Variants in EML1 observed in about 807,000 individuals in gnomAD.
EML1 encodes echinoderm microtubule-associated protein-like 1.
EML1 carries 27 observed loss-of-function variants against 110.4 expected under a neutral mutation model. The ratio of observed to expected loss-of-function variants is 0.24; its 90% CI spans 0.18 to 0.34. EML1 has a LOEUF of 0.34. Among genes scored for constraint, EML1 ranks in the 10% least tolerant of loss-of-function variants. The pLI is 1.00. For missense variants in EML1, 741 were observed against 1,030.9 expected, an observed-to-expected ratio of 0.72 and a Z score of 3.85; for synonymous variants, 344 against 385.8, an observed-to-expected ratio of 0.89 and a Z score of 1.27.
intron 1 of EML1, among the ~76,000 whole-genome samples, chr14:99,837,990 G>A (rs2058569018): frequency 6.6e-6 from 1 of 151,906 alleles, no homozygotes; most frequent in Non-Finnish European, 1.5e-5. Context: ...TTGTAGAGAC[G>A]GGGTCTCACT....
At chr14:99,809,819 A>G (rs1182489755) in intron 1 of EML1, 2 of 443,452 alleles carry the variant, frequency 4.5e-6, no homozygotes, top group Admixed American at 2.4e-5. Flanking sequence ...GCTTTTCTGT[A>G]GAGGTATTTT....
intron 17 of EML1, among the ~76,000 whole-genome samples, chr14:99,935,809 T>C (rs1011155033): frequency 6.8e-6 from 1 of 146,458 alleles, no homozygotes; most frequent in Admixed American, 6.8e-5. Flanking sequence ...AAAAAAATTA[T>C]AAACCTTTAC....
intron 4 of EML1, among the ~76,000 whole-genome samples, chr14:99,890,729 A>G (rs2059572539): frequency 6.6e-6 from 1 of 152,056 alleles, no homozygotes; most frequent in African/African-American, 2.4e-5. Flanking sequence ...TTTCTATTTT[A>G]TGTTCACCCA....
chr14:99,755,703 AC>A (rs1360016695), intron 1 of EML1, among the ~76,000 whole-genome samples: 1 of 152,054 alleles, frequency 6.6e-6, no homozygotes, highest in African/African-American at 2.4e-5. Flanking sequence ...AGTCTGCAGA[AC>A]CCCAATTCTA....
Position 99,936,172 on chromosome 14 carries a change from G to A in EML1, c.2007+46G>A. The A allele has an allele frequency of 6.2e-7, 1 of 1,613,010 alleles. No individual in the cohort carries two copies. The highest frequency in any genetic ancestry group is 8.5e-7 in the Non-Finnish European group (1 of 1,179,022). ...TGTCGCTTCTCATGCACTGCGTATA[G>A]TTTAACTACCGTGGAACAGTGTTGG... On this transcript the variant is annotated intron_variant, in intron 18 of 21. Coordinates refer to ENST00000262233, the MANE Select transcript of EML1 (RefSeq NM_004434.3). This position sits in a 1 kb window ranked among gnomAD's most constrained non-coding sequence, Gnocchi z 5.5.
rs768344399 is a variant in EML1, at chr14:99,914,308, C to G, written c.1620+4C>G. ...GGACTTCACACCCATTACTCAGGTA[C>G]GATCCCACTCAGCAGGCCCGGCAAA... On this transcript the variant is annotated splice_donor_region_variant and intron_variant, in intron 14 of 21. Transcript: ENST00000262233. 6.2e-7 allele frequency: 1 copy of G among 1,604,618 alleles called. No homozygotes were observed. The highest frequency in any genetic ancestry group is 1.1e-5 in the South Asian group (1 of 90,590).
chr14:99,818,759 C>T (rs377079910), intron 1 of EML1, among the ~76,000 whole-genome samples: 53 of 152,042 alleles, frequency 3.5e-4, no homozygotes, highest in African/African-American at 1.1e-3. Flanking sequence ...GTGGACTTGC[C>T]GACTATAGTC....
At chr14:99,890,975 G>C (rs1374129739) in intron 4 of EML1, among the ~76,000 whole-genome samples, 1 of 152,142 alleles carries the variant, frequency 6.6e-6, no homozygotes, top group South Asian at 2.1e-4. Context: ...CACAACTTTG[G>C]TGATAAAGTG....
In EML1 at chr14:99,919,425, G is replaced by GACCCACACACAGAC. The variant is rs1555404807; in HGVS notation, c.1821-1362_1821-1361insCCACACACAGACAC. 1.2e-4 allele frequency among the ~76,000 whole-genome samples: 12 copies of GACCCACACACAGAC among 97,558 alleles called. No homozygotes were observed. The East Asian group carries it at 6.6e-3, about 53-fold the overall frequency. The allele number at this position is 97,558 out of a possible 152,430, so 64.0% of individuals were successfully genotyped here. A position where few individuals can be genotyped will look rare whatever the true frequency, so the allele number is the denominator to read the frequency against. The stretch of plus-strand genomic sequence containing the variant: ...ACACACACACATACGCATGCACACA[G>GACCCACACACAGAC]ACACACACACACACACACACACACA... On this transcript the variant is annotated intron_variant, in intron 16 of 21. Coordinates refer to ENST00000262233, the MANE Select transcript of EML1 (RefSeq NM_004434.3).
chr14:99,844,480 A>C (rs370553659), intron 1 of EML1, among the ~76,000 whole-genome samples: 1 of 65,626 alleles, frequency 1.5e-5, no homozygotes, highest in Admixed American at 1.7e-4. Context: ...CTTTGTCAAA[A>C]AAAAAAAAAA....
intron 1 of EML1, chr14:99,738,000 G>A (rs960048081): frequency 4.4e-6 from 4 of 904,984 alleles, no homozygotes; most frequent in African/African-American, 3.5e-5. Flanking sequence ...CGCCTGGGGG[G>A]CCTGTGCCGC....
chr14:99,869,366 G>A (rs895898892), intron 3 of EML1, among the ~76,000 whole-genome samples: 9 of 152,274 alleles, frequency 5.9e-5, no homozygotes, highest in African/African-American at 2.2e-4. Context: ...ACCAAAAACA[G>A]CACCCATAGA....
intron 3 of EML1, chr14:99,875,079 A>G: frequency 8.3e-7 from 1 of 1,198,660 alleles, no homozygotes. Flanking sequence ...GGTCTTGTCC[A>G]GTGCCTACCA....
At chr14:99,750,984 CT>C (rs747640483) in intron 1 of EML1, among the ~76,000 whole-genome samples, 17 of 152,120 alleles carry the variant, frequency 1.1e-4, no homozygotes, top group Non-Finnish European at 2.1e-4. Context: ...GTTTCCCCCC[CT>C]GTGAAATGAA....
chr14:99,790,899 CTAG>C (rs1358222184), upstream of EML1, among the ~76,000 whole-genome samples: 2 of 132,210 alleles, frequency 1.5e-5, no homozygotes, highest in Non-Finnish European at 3.2e-5. Flanking sequence ...ACTCTGTCAT[CTAG>C]GCTGGAGTGC....
At chr14:99,862,795 C>G (rs760517750) in intron 2 of EML1, among the ~76,000 whole-genome samples, 2 of 152,152 alleles carry the variant, frequency 1.3e-5, no homozygotes, top group African/African-American at 2.4e-5. Context: ...CCCAGCCGTA[C>G]GTGCTGCTGC....
intron 2 of EML1, among the ~76,000 whole-genome samples, chr14:99,863,466 A>G (rs1011111544): frequency 6.6e-6 from 1 of 152,264 alleles, no homozygotes; most frequent in South Asian, 2.1e-4. Context: ...ATGGTATCTT[A>G]CAGAATAGTT....
chr14:99,797,406 G>A (rs2057795603), intron 1 of EML1, among the ~76,000 whole-genome samples: 1 of 152,100 alleles, frequency 6.6e-6, no homozygotes, highest in Non-Finnish European at 1.5e-5. Context: ...GCTACTATGG[G>A]CACTCACATG....
chr14:99,802,859 T>C lies in EML1; in HGVS notation c.67+9316T>C, dbSNP rs141491013. Among the ~76,000 whole-genome samples the C allele has an allele frequency of 5.0e-3, 758 of 152,218 alleles. 5 individuals carry two copies. Among genetic ancestry groups the C allele is most frequent in the African/African-American group, 0.017 (719 of 41,504 alleles). On this transcript the variant is annotated intron_variant, in intron 1 of 21. Transcript: ENST00000262233. The stretch of plus-strand genomic sequence containing the variant: ...CCCAGGGGAAATTAGACATTTCGAA[T>C]GTGCCTCCTGCAAGACAGATCCAGG...
Sources: gnomAD v4.1 joint callset for allele counts (sites outside exome capture counted in the v4.1 genomes callset) on GRCh38, gnomAD v4.1.1 for gene constraint, Gnocchi (gnomAD v3.1) non-coding constraint, MANE v1.5 for transcripts, NCBI Gene and HGNC (gene_info 2026-07-23, HGNC 2026-07-21) for gene names.